The following C5 variants were observed in gnomAD, a reference collection of about 807,000 sequenced individuals.
The protein encoded by C5 is complement C5.
A neutral mutation model predicts 218.8 loss-of-function variants in C5; 140 were observed. The observed-to-expected ratio is 0.64, with a 90% confidence interval of 0.56 to 0.74. C5 has a LOEUF of 0.74. Ranked by LOEUF, C5 falls within the 30% of genes least tolerant of loss-of-function variation. The pLI is 0.00. For missense variants in C5, 1,700 were observed against 1,969.6 expected (o/e 0.86, Z 2.59); for synonymous variants, 614 against 682.3 (o/e 0.90, Z 1.56).
At chr9:121,032,580 T>TAATAC (rs1203538926) in intron 5 of C5, among the ~76,000 whole-genome samples, 1 of 152,146 alleles carries the variant, frequency 6.6e-6, no homozygotes, top group African/African-American at 2.4e-5. Context: ...TAGAAACATA[T>TAATAC]AATACAAGAC....
intron 39 of C5, among the ~76,000 whole-genome samples, chr9:120,954,164 G>C (rs952177689): frequency 7.9e-5 from 12 of 152,134 alleles, no homozygotes; most frequent in African/African-American, 2.7e-4. Context: ...TAGAACCATC[G>C]TGAGATTAAA....
At chr9:120,965,427 C>T (rs1038555070) in intron 33 of C5, among the ~76,000 whole-genome samples, 14 of 151,634 alleles carry the variant, frequency 9.2e-5, no homozygotes, top group East Asian at 1.9e-4. Context: ...GGCTGAGGCA[C>T]GAGAATGGCT....
At chr9:120,977,409 T>G (rs1221712714) in intron 28 of C5, among the ~76,000 whole-genome samples, 1 of 152,166 alleles carries the variant, frequency 6.6e-6, no homozygotes, top group African/African-American at 2.4e-5. Context: ...CTGAAATACT[T>G]CTGGTCCCAA....
chr9:120,983,110 A>G (rs1331054648), intron 25 of C5, among the ~76,000 whole-genome samples: 1 of 152,248 alleles, frequency 6.6e-6, no homozygotes, highest in African/African-American at 2.4e-5. Context: ...CAGAGATAAA[A>G]TAAATAGTTT....
chr9:120,961,500 C>T lies in C5; in HGVS notation c.4570G>A (p.Ala1524Thr), dbSNP rs150280452. 1.8e-5 allele frequency: 29 copies of T among 1,611,070 alleles called. No individual in the cohort carries two copies. The highest frequency in any genetic ancestry group is 1.2e-4 in the African/African-American group (9 of 74,848). ...AGTTTACCTTCTACACACTTGCACG[C>T]GGCTCCTTCACAGACTTTCTGAATT... ...IKIQKVCEGA[A>T]CKCVEADCGQ... is the part of the protein sequence containing the mutation. Residue 1524 changes from alanine (A) to threonine (T), a missense_variant, in exon 37 of 41, where the codon GCG becomes ACG. Coordinates refer to ENST00000223642, the MANE Select transcript of C5 (RefSeq NM_001735.3).
At chr9:121,026,708 G>C (rs1046701324) in intron 8 of C5, among the ~76,000 whole-genome samples, 1 of 152,154 alleles carries the variant, frequency 6.6e-6, no homozygotes, top group Non-Finnish European at 1.5e-5. Context: ...AATGTGTTAA[G>C]AAAAGAGGCT....
intron 7 of C5, among the ~76,000 whole-genome samples, chr9:121,029,612 C>T (rs2047456127): frequency 2.0e-5 from 3 of 152,082 alleles, no homozygotes; most frequent in African/African-American, 7.2e-5. Context: ...CAAAACTAAC[C>T]CCCAATTCTC....
chr9:120,962,795 G>C lies in C5; in HGVS notation c.4399-19C>G. 6.2e-7 allele frequency: 1 copy of C among 1,606,254 alleles called. No individual in the cohort carries two copies. Among genetic ancestry groups the C allele is most frequent in the East Asian group, 2.2e-5 (1 of 44,830 alleles). ...AGGGAATCTGTTTAACAAATTCAAG[G>C]ATTTAAGGAAATTATGGAGAGATGA... On this transcript the variant is annotated intron_variant, in intron 35 of 40. Coordinates refer to ENST00000223642, the MANE Select transcript of C5 (RefSeq NM_001735.3).
chr9:121,044,589 A>C (rs1214567149), intron 2 of C5, among the ~76,000 whole-genome samples: 1 of 152,222 alleles, frequency 6.6e-6, no homozygotes, highest in Non-Finnish European at 1.5e-5. Context: ...CACACTTAAA[A>C]GACCTTGGTA....
chr9:120,995,240 C>A (rs2047107586), intron 22 of C5, among the ~76,000 whole-genome samples: 1 of 152,134 alleles, frequency 6.6e-6, no homozygotes, highest in African/African-American at 2.4e-5. Flanking sequence ...TGATAGTGAT[C>A]ATGATCTGTA....
chr9:121,016,514 A>G, intron 14 of C5, 131 bp from the exon 15 acceptor site: 1 of 1,232,690 alleles, frequency 8.1e-7, no homozygotes. Flanking sequence ...TCAAATGATC[A>G]AAGACAAAAT....
rs538334790 is a variant in C5, at chr9:120,996,935, TA to T, written c.2790+611del. On this transcript the variant is annotated intron_variant, in intron 21 of 40. Coordinates refer to ENST00000223642, the MANE Select transcript of C5 (RefSeq NM_001735.3). ...ACTTATATAAAATATTAAAATTATATAAAAATATTAAAATTACATAAAAATA... is the reference window on the plus strand; with the variant it reads ...ACTTATATAAAATATTAAAATTATATAAAATATTAAAATTACATAAAAATA... Among the ~76,000 whole-genome samples the T allele has an allele frequency of 2.8e-3, 425 of 151,742 alleles. 3 individuals carry two copies. Among genetic ancestry groups the T allele is most frequent in the Non-Finnish European group, 5.0e-3 (339 of 67,902 alleles).
At chr9:120,987,563 G>A (rs574796813) in intron 25 of C5, among the ~76,000 whole-genome samples, 101 of 150,680 alleles carry the variant, frequency 6.7e-4, no homozygotes, top group African/African-American at 2.1e-3. Context: ...GCTTGAACCC[G>A]GGAGGCGGAG....
intron 25 of C5, among the ~76,000 whole-genome samples, chr9:120,985,619 A>G (rs919477818): frequency 5.3e-5 from 8 of 152,224 alleles, no homozygotes; most frequent in African/African-American, 1.7e-4. Flanking sequence ...CTGCATGGCA[A>G]TGAAAAGGAG....
intron 14 of C5, 129 bp downstream of exon 14, chr9:121,017,233 C>A: frequency 9.1e-7 from 1 of 1,099,180 alleles, no homozygotes. Flanking sequence ...GATGGTTTAC[C>A]TTCCTAAAAA....
At chr9:121,074,022 A>G in the C5 span, among the ~76,000 whole-genome samples, 1 of 152,166 alleles carries the variant, frequency 6.6e-6, no homozygotes, top group African/African-American at 2.4e-5. Flanking sequence ...GGACTGGAAG[A>G]CGCAAGGAAG....
In C5 at chr9:121,011,857, G is replaced by A. The variant is rs190103321; in HGVS notation, c.2257+2016C>T. Among the ~76,000 whole-genome samples the A allele has an allele frequency of 5.9e-4, 90 of 152,294 alleles. 1 individual carries two copies. Among genetic ancestry groups the A allele is most frequent in the Admixed American group, 5.4e-3 (83 of 15,302 alleles). On this transcript the variant is annotated intron_variant, in intron 17 of 40. Coordinates refer to ENST00000223642, the MANE Select transcript of C5 (RefSeq NM_001735.3). Reference sequence around the variant, plus strand: ...ATGGAACTGGAGGTCATTATGTTAAGTGAAATAAGTCAGGCACAGAAAGAC... The same window carrying A: ...ATGGAACTGGAGGTCATTATGTTAAATGAAATAAGTCAGGCACAGAAAGAC...
chr9:121,039,796 C>T (rs2047561068), intron 3 of C5, among the ~76,000 whole-genome samples: 1 of 152,002 alleles, frequency 6.6e-6, no homozygotes, highest in African/African-American at 2.4e-5. Flanking sequence ...CTACAGGCAC[C>T]CACCACCATG....
At chr9:121,074,815 C>T in the C5 span, 5 of 455,870 alleles carry the variant, frequency 1.1e-5, no homozygotes, top group Non-Finnish European at 2.2e-5. Flanking sequence ...CCGGAAGCCT[C>T]GCGCCCAAGA....
Sources: allele counts gnomAD v4.1 joint callset (sites outside exome capture counted in the v4.1 genomes callset), GRCh38; gene constraint gnomAD v4.1.1; transcripts MANE v1.5; gene names NCBI Gene and HGNC (gene_info 2026-07-23, HGNC 2026-07-21).